The following TMEM266 variants were observed in gnomAD, a reference collection of about 807,000 sequenced individuals.
TMEM266 encodes transmembrane protein 266.
A neutral mutation model predicts 50.5 loss-of-function variants in TMEM266; 33 were observed. The ratio of observed to expected loss-of-function variants is 0.65; its 90% CI spans 0.50 to 0.87. The LOEUF is 0.87. Among genes scored for constraint, TMEM266 ranks in the 40% least tolerant of loss-of-function variants. TMEM266 has a pLI of 0.00. For synonymous variants in TMEM266, 310 were observed against 292.3 expected (o/e 1.06, Z -0.62); for missense variants, 655 against 695.1 (o/e 0.94, Z 0.65).
In TMEM266 at chr15:76,194,077, G is replaced by C. The variant is rs534009206; in HGVS notation, c.958+1920G>C. ...ATGCAGCCAGTAGGCTCCTGAGTTTGTGGGGACCACTTGGCTGAGCTCATA... is the reference window on the plus strand; with the variant it reads ...ATGCAGCCAGTAGGCTCCTGAGTTTCTGGGGACCACTTGGCTGAGCTCATA... On this transcript the variant is annotated intron_variant, in intron 9 of 10. Transcript: ENST00000388942. Among the ~76,000 whole-genome samples the C allele has an allele frequency of 3.3e-5, 5 of 152,198 alleles. No homozygotes were observed. The East Asian group carries it at 9.7e-4, about 29-fold the overall frequency.
chr15:76,198,759 C>T (rs186839968), intron 9 of TMEM266, among the ~76,000 whole-genome samples: 11 of 144,338 alleles, frequency 7.6e-5, no homozygotes, highest in Admixed American at 2.8e-4. Flanking sequence ...AAGACAGAAC[C>T]GCAGCCCAAG....
chr15:76,156,858 C>T (rs2142047588), intron 4 of TMEM266, 100 bp downstream of exon 4: 4 of 1,264,020 alleles, frequency 3.2e-6, no homozygotes, highest in South Asian at 2.7e-5. Context: ...CTGTGATCTG[C>T]CCCCGCCGAT....
In TMEM266 at chr15:76,196,214, G is replaced by T. The variant is rs78963011; in HGVS notation, c.958+4057G>T. Among the ~76,000 whole-genome samples, 307 of 152,304 alleles carry T rather than the reference G, an allele frequency of 2.0e-3. 3 individuals are homozygous for T. Among genetic ancestry groups the T allele is most frequent in the African/African-American group, 6.8e-3 (282 of 41,568 alleles). ...TGGGAGCAGGTGCAGATGCTTCTCC[G>T]TCCAGCCCTGGGATCCCCCTGCCCA... On this transcript the variant is annotated intron_variant, in intron 9 of 10. Transcript: ENST00000388942.
chr15:76,071,516 C>A (rs1010182100), intron 1 of TMEM266, among the ~76,000 whole-genome samples: 1 of 152,152 alleles, frequency 6.6e-6, no homozygotes, highest in African/African-American at 2.4e-5. Flanking sequence ...AGAGTGAGGG[C>A]TCCAAGAGCA....
intron 1 of TMEM266, among the ~76,000 whole-genome samples, chr15:76,091,444 G>A (rs2036846890): frequency 2.6e-5 from 4 of 151,944 alleles, no homozygotes; most frequent in African/African-American, 7.2e-5. Context: ...CAGCACTTTG[G>A]GAGGCTGAGG....
intron 1 of TMEM266, chr15:76,113,623 T>A (rs943515915): frequency 2.6e-5 from 4 of 152,406 alleles, no homozygotes; most frequent in African/African-American, 9.7e-5. Flanking sequence ...AGGATGTGCC[T>A]GAAGCACCGG....
chr15:76,123,572 C>T (rs1441584230), intron 1 of TMEM266, among the ~76,000 whole-genome samples: 1 of 152,206 alleles, frequency 6.6e-6, no homozygotes, highest in Non-Finnish European at 1.5e-5. Context: ...TCAGCTGAGC[C>T]TCAGAACCAC....
chr15:76,098,053 T>G (rs1216660680), intron 1 of TMEM266, among the ~76,000 whole-genome samples: 1 of 152,084 alleles, frequency 6.6e-6, no homozygotes, highest in Non-Finnish European at 1.5e-5. Flanking sequence ...ACATGCTCCT[T>G]TAGTTTGGAG....
chr15:76,135,985 C>T (rs1239787230), intron 2 of TMEM266, among the ~76,000 whole-genome samples: 1 of 151,538 alleles, frequency 6.6e-6, no homozygotes, highest in Non-Finnish European at 1.5e-5. Context: ...CTCTTGTTGC[C>T]CAGGCTGGAG....
chr15:76,190,475 C>T (rs2038551368), intron 8 of TMEM266, among the ~76,000 whole-genome samples: 2 of 152,004 alleles, frequency 1.3e-5, no homozygotes, highest in Admixed American at 1.3e-4. Context: ...GTGGGAGAGT[C>T]CCCCTGAGTC....
rs2037047198 is a variant in TMEM266, at chr15:76,104,247, T to A, written c.-96-29921T>A. Among the ~76,000 whole-genome samples, 3 of 151,640 alleles carry A rather than the reference T, an allele frequency of 2.0e-5. No individual in the cohort carries two copies. In the East Asian group the frequency reaches 5.8e-4, roughly 29 times the overall value. On this transcript the variant is annotated intron_variant, in intron 1 of 10. Transcript: ENST00000388942. ...TATTTGGGAGTCATCGGCAAATAGA[T>A]CTGCACTCTCCAATATAGATAGTAG...
At chr15:76,125,747 C>G (rs1432382601) in intron 1 of TMEM266, among the ~76,000 whole-genome samples, 1 of 151,194 alleles carries the variant, frequency 6.6e-6, no homozygotes, top group Non-Finnish European at 1.5e-5. Flanking sequence ...ACCCGGGAGG[C>G]TGAGGCAGGA....
At chr15:76,096,022 G>A (rs1397082751) in intron 1 of TMEM266, among the ~76,000 whole-genome samples, 1 of 151,666 alleles carries the variant, frequency 6.6e-6, no homozygotes, top group Non-Finnish European at 1.5e-5. Context: ...TTATTAGTCT[G>A]GCTAGCAGAC....
intron 3 of TMEM266, among the ~76,000 whole-genome samples, chr15:76,148,082 G>A (rs2037782699): frequency 6.6e-6 from 1 of 152,248 alleles, no homozygotes; most frequent in South Asian, 2.1e-4. Context: ...GTACAGCGGC[G>A]GGTGACCGCT....
At chr15:76,106,888 T>C (rs2142008035) in intron 1 of TMEM266, among the ~76,000 whole-genome samples, 1 of 152,356 alleles carries the variant, frequency 6.6e-6, no homozygotes, top group East Asian at 1.9e-4. Context: ...TACTATCTAT[T>C]GCTATTAACC....
At chr15:76,183,240 C>T (rs942285280) in intron 8 of TMEM266, among the ~76,000 whole-genome samples, 8 of 150,658 alleles carry the variant, frequency 5.3e-5, no homozygotes, top group East Asian at 2.0e-4. Flanking sequence ...CTCAACCTCC[C>T]GAGTAGCTGG....
At chr15:76,140,725 TGGAAG>T (rs1428340181) in intron 3 of TMEM266, among the ~76,000 whole-genome samples, 2 of 151,976 alleles carry the variant, frequency 1.3e-5, no homozygotes, top group African/African-American at 4.8e-5. Flanking sequence ...AAGGAACTTG[TGGAAG>T]GTCACACAGT....
intron 7 of TMEM266, among the ~76,000 whole-genome samples, chr15:76,174,228 T>C (rs1250977403): frequency 2.0e-5 from 3 of 152,056 alleles, no homozygotes; most frequent in African/African-American, 4.8e-5. Context: ...CCAAATATAA[T>C]TCACATGCCG....
At chr15:76,156,855 C>G (rs1325664714) in intron 4 of TMEM266, 97 bp downstream of exon 4, 1 of 1,249,690 alleles carries the variant, frequency 8.0e-7, no homozygotes, top group East Asian at 2.5e-5. Flanking sequence ...AGGCTGTGAT[C>G]TGCCCCCGCC....
Sources: gnomAD v4.1 joint callset for allele counts (sites outside exome capture counted in the v4.1 genomes callset) on GRCh38, gnomAD v4.1.1 for gene constraint, MANE v1.5 for transcripts, NCBI Gene and HGNC (gene_info 2026-07-23, HGNC 2026-07-21) for gene names.